Variants in DNAH5 observed in about 807,000 individuals in gnomAD.
DNAH5 encodes the protein dynein axonemal heavy chain 5, also known as axonemal beta dynein heavy chain 5.
A neutral mutation model predicts 518.2 loss-of-function variants in DNAH5; 372 were observed. That is an observed-to-expected ratio of 0.72 (90% CI 0.66 to 0.78). The LOEUF (loss-of-function observed/expected upper bound fraction) is 0.78, where lower values mean the gene tolerates loss of function less well. Ranked by LOEUF, DNAH5 falls within the 30% of genes least tolerant of loss-of-function variation. The pLI, the probability that DNAH5 is intolerant of heterozygous loss-of-function variation, is 0.00. For synonymous variants in DNAH5, 2,039 were observed against 2,025.9 expected, an observed-to-expected ratio of 1.01 and a Z score of -0.17; for missense variants, 5,523 against 5,687.0, an observed-to-expected ratio of 0.97 and a Z score of 0.93.
chr5:13,884,851 A>T lies in DNAH5; in HGVS notation c.2983+138T>A, dbSNP rs10866504. On this transcript the variant is annotated intron_variant, in intron 19 of 78. Transcript: ENST00000265104. ...ACTCCATCTCAAAAAATAAAAATTT[A>T]AAAAAAGATGAATATTTTTAATTAT... 0.43 allele frequency: 585,825 copies of T among 1,356,056 alleles called. 128,976 individuals carry two copies. Among genetic ancestry groups the T allele is most frequent in the East Asian group, 0.73 (28,320 of 38,592 alleles). 84.0% of individuals were successfully genotyped at this position (1,356,056 alleles called of 1,614,324 possible).
chr5:13,718,888 A>G lies in DNAH5; in HGVS notation c.12493T>C (p.Tyr4165His), dbSNP rs1744666930. The part of the protein sequence containing the change: ...QGLRAGLKRT[Y>H]SGVSQDLLDV... ...CAAGTATTTCTGGACTCACCACTAT[A>G]TGTTCTTTTCAGTCCTGCCCGGAGT... Residue 4165 changes from tyrosine to histidine, a missense_variant, in exon 72 of 79, where the codon TAT becomes CAT. This residue lies in a region of DNAH5 where 5,121 missense variants were observed against 5,223.3 expected (regional missense o/e 0.98). Coordinates refer to ENST00000265104, the MANE Select transcript of DNAH5 (RefSeq NM_001369.3). 1 of 1,611,666 alleles carries G rather than the reference A, an allele frequency of 6.2e-7. No individual in the cohort carries two copies. Among genetic ancestry groups the G allele is most frequent in the Non-Finnish European group, 8.5e-7 (1 of 1,177,780 alleles).
chr5:14,007,581 G>C (rs766469098), intron 1 of DNAH5, among the ~76,000 whole-genome samples: 1 of 152,188 alleles, frequency 6.6e-6, no homozygotes, highest in Admixed American at 6.5e-5. Context: ...AGGTACAATG[G>C]CAGGCTTTCT....
At position 13,855,419 on chromosome 5, in the gene DNAH5, G is replaced by A. The variant is rs1358317079; in HGVS notation, c.4950+4033C>T. 2.5e-4 allele frequency among the ~76,000 whole-genome samples: 30 copies of A among 118,276 alleles called. 7 individuals are homozygous for A. The Middle Eastern group carries it at 0.015, about 61-fold the overall frequency. 77.6% of individuals were successfully genotyped at this position (118,276 alleles called of 152,430 possible). A position where few individuals can be genotyped will look rare whatever the true frequency, so the allele number is the denominator to read the frequency against. ...GAGACGGGGTTTCACCGTTTTAGCCGGGATGGTCTCGATCTCCTGACCTCG... is the reference window on the plus strand; with the variant it reads ...GAGACGGGGTTTCACCGTTTTAGCCAGGATGGTCTCGATCTCCTGACCTCG... On this transcript the variant is annotated intron_variant, in intron 30 of 78. Transcript: ENST00000265104.
chr5:13,900,371 C>T lies in DNAH5; in HGVS notation c.2094G>A (p.Val698=), dbSNP rs769746319. 12 of 1,614,172 alleles carry T rather than the reference C, an allele frequency of 7.4e-6. No homozygotes were observed. Among genetic ancestry groups the T allele is most frequent in the Non-Finnish European group, 1.0e-5 (12 of 1,180,010 alleles). ...IHVGLEASLL[V]KAPGTGELFV... is the part of the protein sequence containing the mutation. ...ACAATTCCCCTGTGCCTGGAGCCTT[C>T]ACCAATAATGAAGCCTCAAGACCTA... Residue 698 remains valine, a synonymous_variant, in exon 15 of 79, where the codon GTG becomes GTA. Coordinates refer to ENST00000265104, the MANE Select transcript of DNAH5 (RefSeq NM_001369.3).
intron 38 of DNAH5, among the ~76,000 whole-genome samples, chr5:13,825,741 C>G (rs533913062): frequency 6.6e-6 from 1 of 152,100 alleles, no homozygotes; most frequent in African/African-American, 2.4e-5. Flanking sequence ...TTAGTGGGCA[C>G]AGAGTTTCAG....
At chr5:14,002,514 T>A (rs1183653531) in intron 1 of DNAH5, among the ~76,000 whole-genome samples, 1 of 151,862 alleles carries the variant, frequency 6.6e-6, no homozygotes, top group East Asian at 1.9e-4. Context: ...GAAAAAAAAA[T>A]GAAGTTTATT....
chr5:13,918,974 C>T lies in DNAH5; in HGVS notation c.975+202G>A, dbSNP rs6893848. ...AATGCCAATAACACATATACATACA[C>T]GTACACCAGCTAACAATTGCCTTTC... is the stretch of plus-strand genomic sequence containing the variant. On this transcript the variant is annotated intron_variant, in intron 7 of 78. Transcript: ENST00000265104. Among the ~76,000 whole-genome samples the T allele has an allele frequency of 0.43, 65,541 of 152,012 alleles. 14,847 individuals are homozygous for T. The highest frequency in any genetic ancestry group is 0.85 in the East Asian group (4,404 of 5,170).
At chr5:13,810,603 A>T (rs1326904090) in intron 44 of DNAH5, 2 of 180,394 alleles carry the variant, frequency 1.1e-5, no homozygotes, top group African/African-American at 2.5e-5. Flanking sequence ...AAAAAAAAAA[A>T]ATTAGCCGAG....
chr5:13,965,220 C>A (rs1781451106), intron 1 of DNAH5, among the ~76,000 whole-genome samples: 1 of 152,072 alleles, frequency 6.6e-6, no homozygotes, highest in Non-Finnish European at 1.5e-5. Flanking sequence ...ATTTTAAAAC[C>A]TGTATGTTAA....
rs1420830933 is a variant in DNAH5, at chr5:13,690,431, A to G, written c.*1553T>C. ...CCACAATTCACACAAATCAACTGATATACTAATCCACACCAAAAGAAAGAA... is the reference window on the plus strand; with the variant it reads ...CCACAATTCACACAAATCAACTGATGTACTAATCCACACCAAAAGAAAGAA... On this transcript the variant is annotated 3_prime_UTR_variant, in exon 79 of 79. Coordinates refer to ENST00000265104, the MANE Select transcript of DNAH5 (RefSeq NM_001369.3). 6.6e-6 allele frequency: 1 copy of G among 152,202 alleles called. No individual in the cohort carries two copies. Among genetic ancestry groups the G allele is most frequent in the East Asian group, 1.9e-4 (1 of 5,196 alleles). 9.4% of individuals were successfully genotyped at this position (152,202 alleles called of 1,614,324 possible).
intron 35 of DNAH5, among the ~76,000 whole-genome samples, chr5:13,836,531 G>A (rs952832517): frequency 6.6e-6 from 1 of 152,152 alleles, no homozygotes; most frequent in Non-Finnish European, 1.5e-5. Context: ...AGGAGAGAAT[G>A]ATCAACTGCT....
chr5:13,922,109 TCTC>T lies in DNAH5; in HGVS notation c.655_657del (p.Glu219del). On this transcript the variant is annotated inframe_deletion, in exon 5 of 79. Transcript: ENST00000265104. ...AGGAACAGCTTATTCGTCCTCACCTTCTCCTTCAGACTCTCCTGTGCACCCGAC... is the reference window on the plus strand; with the variant it reads ...AGGAACAGCTTATTCGTCCTCACCTTCTTCAGACTCTCCTGTGCACCCGAC... 1.9e-6 allele frequency: 3 copies of T among 1,613,902 alleles called. No individual in the cohort carries two copies. The highest frequency in any genetic ancestry group is 2.5e-6 in the Non-Finnish European group (3 of 1,179,956).
chr5:13,738,665 G>A (rs1747941606), intron 65 of DNAH5, among the ~76,000 whole-genome samples: 2 of 152,214 alleles, frequency 1.3e-5, no homozygotes, highest in East Asian at 1.9e-4. Context: ...GTGGTGGCAG[G>A]GGTGGGAGAA....
At chr5:13,902,597 C>T (rs1273383619) in intron 12 of DNAH5, among the ~76,000 whole-genome samples, 1 of 152,192 alleles carries the variant, frequency 6.6e-6, no homozygotes, top group Non-Finnish European at 1.5e-5. Flanking sequence ...ATAGGGTTCC[C>T]ATACTTTCTC....
chr5:14,007,132 C>A (rs1183795998), intron 1 of DNAH5, among the ~76,000 whole-genome samples: 1 of 152,246 alleles, frequency 6.6e-6, no homozygotes, highest in African/African-American at 2.4e-5. Flanking sequence ...CAACACAGTT[C>A]CTGATACTTA....
intron 1 of DNAH5, among the ~76,000 whole-genome samples, chr5:14,003,325 T>C (rs1177929135): frequency 3.3e-5 from 5 of 152,260 alleles, no homozygotes; most frequent in Non-Finnish European, 5.9e-5. Flanking sequence ...TTCTTGTTTT[T>C]TGATAGTGAA....
At chr5:13,809,942 T>C (rs1018229975) in intron 45 of DNAH5, 117 bp downstream of exon 45, 9 of 1,087,386 alleles carry the variant, frequency 8.3e-6, no homozygotes, top group South Asian at 5.5e-5. Flanking sequence ...AACGTTTTCA[T>C]ATCTTACAGC....
intron 27 of DNAH5, among the ~76,000 whole-genome samples, chr5:13,864,956 A>G (rs1264813524): frequency 6.6e-6 from 1 of 152,048 alleles, no homozygotes; most frequent in African/African-American, 2.4e-5. Context: ...CTAAGCACAA[A>G]GCATAGCAAA....
intron 1 of DNAH5, among the ~76,000 whole-genome samples, chr5:13,956,327 T>C (rs916422093): frequency 1.3e-5 from 2 of 152,350 alleles, no homozygotes; most frequent in East Asian, 3.9e-4. Flanking sequence ...ATATCTGCCA[T>C]ATAACAGGTG....
Sources: gnomAD v4.1 joint callset for allele counts (sites outside exome capture counted in the v4.1 genomes callset) on GRCh38, gnomAD v4.1.1 for gene constraint, gnomAD v4.1.1 regional missense constraint, MANE v1.5 for transcripts, NCBI Gene and HGNC (gene_info 2026-07-23, HGNC 2026-07-21) for gene names.